The following DYSF variants were observed in gnomAD, a reference collection of about 807,000 sequenced individuals.
The protein encoded by DYSF is dystrophy-associated fer-1-like 1.
Under a neutral mutation model 274.9 loss-of-function variants are expected in DYSF, and 212 were observed. The observed-to-expected ratio is 0.77, with a 90% CI of 0.69 to 0.86. The LOEUF is 0.86. Among genes scored for constraint, DYSF ranks in the 40% least tolerant of loss-of-function variants. The probability of loss-of-function intolerance (pLI) is 0.00; values close to 1 mark genes in which losing one functional copy is unlikely to be tolerated. For synonymous variants in DYSF, 1,091 were observed against 1,078.7 expected (o/e 1.01, Z -0.22); for missense variants, 2,666 against 2,783.2 (o/e 0.96, Z 0.95).
chr2:71,612,345 C>T (rs1055014022), intron 38 of DYSF, among the ~76,000 whole-genome samples: 8 of 152,178 alleles, frequency 5.3e-5, no homozygotes, highest in Non-Finnish European at 1.0e-4. Context: ...GCCAACTCCC[C>T]TCGCCCGCTC....
At chr2:71,546,044 C>G (rs1240309351) in intron 17 of DYSF, among the ~76,000 whole-genome samples, 2 of 151,922 alleles carry the variant, frequency 1.3e-5, no homozygotes, top group Non-Finnish European at 2.9e-5. Context: ...AAGAGTTAAA[C>G]TTGTGCATCC....
intron 14 of DYSF, among the ~76,000 whole-genome samples, chr2:71,531,730 G>A (rs181173763): frequency 4.2e-4 from 64 of 152,158 alleles, no homozygotes; most frequent in Middle Eastern, 3.4e-3. Context: ...GCTGTCTGGC[G>A]TTCCTCAGCT....
At chr2:71,666,359 T>TAGGGGC (rs2095008776) in intron 47 of DYSF, among the ~76,000 whole-genome samples, 1 of 152,220 alleles carries the variant, frequency 6.6e-6, no homozygotes, top group Admixed American at 6.5e-5. Context: ...CCCAACCAGC[T>TAGGGGC]AGGGGCAGAG....
intron 1 of DYSF, among the ~76,000 whole-genome samples, chr2:71,475,845 T>C (rs1035511541): frequency 3.3e-5 from 5 of 152,194 alleles, no homozygotes; most frequent in Non-Finnish European, 7.3e-5. Flanking sequence ...CACAGCTCAC[T>C]GCAGCCTCAA....
intron 32 of DYSF, among the ~76,000 whole-genome samples, chr2:71,590,557 C>T (rs1284234989): frequency 6.6e-6 from 1 of 152,120 alleles, no homozygotes; most frequent in African/African-American, 2.4e-5. Context: ...CTGGAGGGTC[C>T]CTGCAGCCTC....
At chr2:71,577,344 C>T (rs564993319) in intron 30 of DYSF, among the ~76,000 whole-genome samples, 2 of 151,576 alleles carry the variant, frequency 1.3e-5, no homozygotes, top group African/African-American at 4.8e-5. Context: ...CACATTCATA[C>T]ACACCAATAA....
chr2:71,553,174 G>A lies in DYSF; in HGVS notation c.1970G>A (p.Arg657His), dbSNP rs150417363. ...LPLASTTQYS[R>H]AVFDGCHYYY... The stretch of plus-strand genomic sequence containing the variant: ...CTGGCCTCCACCACTCAGTACAGCC[G>A]TGCAGTCTTTGACGGTGAGGCAGTG... Residue 657 changes from arginine (R) to histidine (H), a missense_variant, in exon 20 of 56, where the codon CGT (arginine) becomes CAT (histidine). This residue lies in a region of DYSF where 412 missense variants were observed against 504.0 expected (regional missense o/e 0.82). Transcript: ENST00000410020. 9.3e-6 allele frequency: 15 copies of A among 1,613,960 alleles called. No individual in the cohort carries two copies. Among genetic ancestry groups the A allele is most frequent in the East Asian group, 2.2e-5 (1 of 44,900 alleles).
rs146172233 is a variant in DYSF, at chr2:71,661,601, A to G, written c.5003+950A>G. Among the ~76,000 whole-genome samples the G allele has an allele frequency of 8.9e-4, 136 of 152,342 alleles. 1 individual carries two copies. The South Asian group carries it at 0.012, about 13-fold the overall frequency. On this transcript the variant is annotated intron_variant, in intron 45 of 55. Coordinates refer to ENST00000410020, the MANE Select transcript of DYSF (RefSeq NM_001130987.2). ...CTGAGAACAAGGAAAGGAAGAATCAATGCCCATTGCATGGGAGTAATTCCT... is the reference window on the plus strand; with the variant it reads ...CTGAGAACAAGGAAAGGAAGAATCAGTGCCCATTGCATGGGAGTAATTCCT...
At chr2:71,653,296 C>T (rs1212066700) in intron 42 of DYSF, among the ~76,000 whole-genome samples, 1 of 152,054 alleles carries the variant, frequency 6.6e-6, no homozygotes, top group Non-Finnish European at 1.5e-5. Flanking sequence ...TTGACCCAGC[C>T]ATCTCATTAC....
chr2:71,525,885 A>G (rs1005414699), intron 12 of DYSF, among the ~76,000 whole-genome samples: 5 of 152,126 alleles, frequency 3.3e-5, no homozygotes, highest in African/African-American at 1.2e-4. Flanking sequence ...CTCAGTTACT[A>G]CTGTACTATG....
At chr2:71,468,460 G>A (rs2081703479) in intron 1 of DYSF, among the ~76,000 whole-genome samples, 1 of 152,200 alleles carries the variant, frequency 6.6e-6, no homozygotes. Flanking sequence ...TATTGCCCTT[G>A]AGTCGGGAAG....
Position 71,590,231 on chromosome 2 carries a change from C to T in DYSF, c.3517C>T (p.Arg1173Cys), listed in dbSNP as rs372297758. 5.7e-5 allele frequency: 92 copies of T among 1,614,148 alleles called. 1 individual carries two copies. The highest frequency in any genetic ancestry group is 5.5e-4 in the South Asian group (50 of 91,080). Reference protein sequence around the residue: ...IFDYGNRYHLRCYMYQARDLA... With the variant: ...IFDYGNRYHLCCYMYQARDLA... ...TGAAGATGGGAACCGCTACCATCTA[C>T]GCTGCTACATGTACCAGGCCCGGGA... The change falls in exon 32 of 56, where the codon CGC becomes TGC. Residue 1173 changes from arginine to cysteine, a missense_variant. Around this residue, in one of 3 missense-constraint regions of DYSF, gnomAD observed 1,460 missense variants for 1,502.1 expected, o/e 0.97. Coordinates refer to ENST00000410020, the MANE Select transcript of DYSF (RefSeq NM_001130987.2).
chr2:71,660,790 G>T, intron 45 of DYSF, 139 bp downstream of exon 45: 2 of 754,768 alleles, frequency 2.6e-6, no homozygotes, highest in Middle Eastern at 3.6e-4. Flanking sequence ...GCATGTCTAT[G>T]GGGGCATAGC....
At chr2:71,529,234 C>T (rs943409857) in intron 14 of DYSF, among the ~76,000 whole-genome samples, 2 of 152,224 alleles carry the variant, frequency 1.3e-5, no homozygotes, top group African/African-American at 4.8e-5. Context: ...CCACATCCCA[C>T]ATGCTATCTC....
intron 55 of DYSF, among the ~76,000 whole-genome samples, chr2:71,685,586 G>T (rs889213048): frequency 1.3e-5 from 2 of 152,250 alleles, no homozygotes; most frequent in Admixed American, 1.3e-4. Context: ...CAAGGACAGG[G>T]CAGCTTCCTC....
In DYSF at chr2:71,597,221, G is replaced by A. The variant is rs535784665; in HGVS notation, c.3575-1343G>A. ...TCTGAGGCCACTGAGGCCCTCTTGA[G>A]GTCACAAGGGGAGTGAATGGCAGTG... On this transcript the variant is annotated intron_variant, in intron 32 of 55. Coordinates refer to ENST00000410020, the MANE Select transcript of DYSF (RefSeq NM_001130987.2). Among the ~76,000 whole-genome samples the A allele has an allele frequency of 3.6e-3, 541 of 152,360 alleles. 3 individuals are homozygous for A. The highest frequency in any genetic ancestry group is 0.013 in the African/African-American group (529 of 41,598).
chr2:71,512,205 A>T (rs2086172792), intron 5 of DYSF, among the ~76,000 whole-genome samples: 1 of 152,190 alleles, frequency 6.6e-6, no homozygotes, highest in Non-Finnish European at 1.5e-5. Flanking sequence ...GGCTGAGCCC[A>T]GGCTGGGTGT....
At chr2:71,478,175 A>G (rs189281222) in intron 1 of DYSF, among the ~76,000 whole-genome samples, 11 of 151,982 alleles carry the variant, frequency 7.2e-5, no homozygotes, top group Admixed American at 6.6e-5. Context: ...TCATAGATGC[A>G]GGCCACCTAA....
chr2:71,583,426 ACT>A (rs1434842854), intron 30 of DYSF, among the ~76,000 whole-genome samples: 1 of 150,864 alleles, frequency 6.6e-6, no homozygotes, highest in Non-Finnish European at 1.5e-5. Flanking sequence ...CATCTGCTTG[ACT>A]CTGCTGGAGC....
Sources: allele counts gnomAD v4.1 joint callset (sites outside exome capture counted in the v4.1 genomes callset), GRCh38; gene constraint gnomAD v4.1.1; regional missense constraint gnomAD v4.1.1; transcripts MANE v1.5; gene names NCBI Gene and HGNC (gene_info 2026-07-23, HGNC 2026-07-21).